The following IRF6 variants were observed in gnomAD, a reference collection of about 807,000 sequenced individuals.
The protein encoded by IRF6 is Van der Woude syndrome.
Under a neutral mutation model 51.4 loss-of-function variants are expected in IRF6, and 6 were observed. That is an observed-to-expected ratio of 0.12 (90% CI 0.06 to 0.23). IRF6 has a LOEUF of 0.23. Ranked by LOEUF, IRF6 falls within the 10% of genes least tolerant of loss-of-function variation. IRF6 has a pLI of 1.00. For missense variants in IRF6, 348 were observed against 585.2 expected (o/e 0.59, Z 4.18); for synonymous variants, 178 against 215.7 (o/e 0.83, Z 1.53).
chr1:209,799,754 A>C (rs2077927845), intron 3 of IRF6, among the ~76,000 whole-genome samples: 1 of 152,282 alleles, frequency 6.6e-6, no homozygotes, highest in African/African-American at 2.4e-5. Context: ...AAATGGGCCA[A>C]GATGGGCCCG....
chr1:209,792,430 A>C lies in IRF6; in HGVS notation c.509-3T>G. 6.2e-7 allele frequency: 1 copy of C among 1,613,882 alleles called. No homozygotes were observed. Among genetic ancestry groups the C allele is most frequent in the Non-Finnish European group, 8.5e-7 (1 of 1,179,994 alleles). ...ACTGGCTGGCGCCATGGGAGAACCT[A>C]AAACAAAAGCATATGGTGAGCAGAC... On this transcript the variant is annotated splice_polypyrimidine_tract_variant and splice_region_variant and intron_variant, in intron 5 of 8. Transcript: ENST00000367021.
In IRF6 at chr1:209,788,418, A is replaced by T. The variant is rs1201078642; in HGVS notation, c.*2T>A. ...AGAGAAGGAAGAAGATGGCATTCAC[A>T]ATTACTGGGGAGGCAGGGCAGGGGG... On this transcript the variant is annotated 3_prime_UTR_variant, in exon 9 of 9. Transcript: ENST00000367021. 2 of 1,585,792 alleles carry T rather than the reference A, an allele frequency of 1.3e-6. No homozygotes were observed. The highest frequency in any genetic ancestry group is 2.2e-5 in the South Asian group (2 of 90,532).
At chr1:209,795,531 T>C in intron 4 of IRF6, 113 bp from the exon 5 acceptor site, 1 of 1,489,788 alleles carries the variant, frequency 6.7e-7, no homozygotes, top group South Asian at 1.2e-5. Context: ...TCAGGTTCAG[T>C]ACACACCCTC....
Position 209,801,378 on chromosome 1 carries a change from G to C in IRF6, c.36C>G (p.Pro12=). ...CACTATCCACCTGGGCCACCAGCCA[G>C]GGCTTTAGCCGGACTCTGCGGGGGT... The part of the protein sequence containing the change: ...ALHPRRVRLK[P]WLVAQVDSGL... The change falls in exon 3 of 9, where the codon CCC becomes CCG. Residue 12 remains proline, a synonymous_variant. Transcript: ENST00000367021. 1 of 1,612,920 alleles carries C rather than the reference G, an allele frequency of 6.2e-7. No individual in the cohort carries two copies. The highest frequency in any genetic ancestry group is 8.5e-7 in the Non-Finnish European group (1 of 1,179,576).
At chr1:209,801,710 C>T (rs1295428829) in intron 2 of IRF6, among the ~76,000 whole-genome samples, 3 of 152,210 alleles carry the variant, frequency 2.0e-5, no homozygotes, top group Non-Finnish European at 4.4e-5. Flanking sequence ...AAGGTGATGT[C>T]ATCCTGCTGG....
In IRF6 at chr1:209,796,476, C is replaced by T. The variant is rs121434227; in HGVS notation, c.251G>A (p.Arg84His). 1 of 1,613,996 alleles carries T rather than the reference C, an allele frequency of 6.2e-7. No individual in the cohort carries two copies. The highest frequency in any genetic ancestry group is 8.5e-7 in the Non-Finnish European group (1 of 1,180,016). The part of the protein sequence containing the change: ...PDPAKWKAQL[R>H]CALNKSREFN... The stretch of plus-strand genomic sequence containing the variant: ...TTCTCTGCTCTTATTGAGAGCACAG[C>T]GCAGCTGGGCCTTCCATTTAGCTGG... The change falls in exon 4 of 9, where the codon CGC becomes CAC. Residue 84 changes from arginine (R) to histidine (H), a missense_variant. Around this residue, in one of 5 missense-constraint regions of IRF6, gnomAD observed 48 missense variants for 128.1 expected, o/e 0.37. Transcript: ENST00000367021. The surrounding 1 kb of genome is among the most constrained non-coding windows in gnomAD (Gnocchi z 4.5).
rs756369866 is a variant in IRF6, at chr1:209,790,655, T to C, written c.900A>G (p.Arg300=). The change falls in exon 7 of 9, where the codon AGA becomes AGG. Residue 300 remains arginine (R), a synonymous_variant. Coordinates refer to ENST00000367021, the MANE Select transcript of IRF6 (RefSeq NM_006147.4). This position sits in a 1 kb window ranked among gnomAD's most constrained non-coding sequence, Gnocchi z 4.8. ...GACCGCTGACCTCCAGGATCAGTCC[T>C]CTGTCCATGACGTCCAGCAGCTTGC... ...FTSKLLDVMD[R]GLILEVSGHA... is the part of the protein sequence containing the mutation. 1.9e-6 allele frequency: 3 copies of C among 1,614,276 alleles called. No homozygotes were observed. Among genetic ancestry groups the C allele is most frequent in the Admixed American group, 3.3e-5 (2 of 60,028 alleles).
intron 2 of IRF6, among the ~76,000 whole-genome samples, chr1:209,801,709 T>C (rs1394686044): frequency 6.6e-6 from 1 of 152,238 alleles, no homozygotes; most frequent in African/African-American, 2.4e-5. Context: ...AAAGGTGATG[T>C]CATCCTGCTG....
At chr1:209,802,517 A>G (rs1317507768) in intron 1 of IRF6, among the ~76,000 whole-genome samples, 1 of 152,186 alleles carries the variant, frequency 6.6e-6, no homozygotes, top group African/African-American at 2.4e-5. Context: ...TTTTGTTTTT[A>G]CTTAAGATGA....
Position 209,796,220 on chromosome 1 carries a change from G to A in IRF6, c.379+128C>T. On this transcript the variant is annotated intron_variant, in intron 4 of 8. Coordinates refer to ENST00000367021, the MANE Select transcript of IRF6 (RefSeq NM_006147.4). This position sits in a 1 kb window ranked among gnomAD's most constrained non-coding sequence, Gnocchi z 4.5. ...TTTTGTTTTCTGGGTCCTTCCCAGA[G>A]AAAGGCTTTCTTGCTTTATCCATCT... The A allele has an allele frequency of 1.3e-6, 1 of 781,850 alleles. No homozygotes were observed. The highest frequency in any genetic ancestry group is 2.1e-6 in the Non-Finnish European group (1 of 486,122). The allele number at this position is 781,850 out of a possible 1,614,324, so 48.4% of individuals were successfully genotyped here.
rs1038740901 is a variant in IRF6, at chr1:209,788,031, G to T, written c.*389C>A. On this transcript the variant is annotated 3_prime_UTR_variant, in exon 9 of 9. Coordinates refer to ENST00000367021, the MANE Select transcript of IRF6 (RefSeq NM_006147.4). ...CAAGTAGAAGAAGGTCATTGAGTCC[G>T]TTCTAAAGCTGGATGCAATTTCAGG... is the stretch of plus-strand genomic sequence containing the variant. 3.8e-6 allele frequency: 1 copy of T among 264,998 alleles called. No individual in the cohort carries two copies. The highest frequency in any genetic ancestry group is 7.3e-6 in the Non-Finnish European group (1 of 136,326). 16.4% of individuals were successfully genotyped at this position (264,998 alleles called of 1,614,324 possible). A position where few individuals can be genotyped will look rare whatever the true frequency, so the allele number is the denominator to read the frequency against.
chr1:209,798,231 A>ACTG (rs2077916272), intron 3 of IRF6, among the ~76,000 whole-genome samples: 1 of 152,224 alleles, frequency 6.6e-6, no homozygotes, highest in Non-Finnish European at 1.5e-5. Flanking sequence ...AGGGGGCCTA[A>ACTG]CTGCTGCTCC....
At chr1:209,801,199 AAAAAAT>A (rs1165278590) in intron 3 of IRF6, 35 bp downstream of exon 3, 4 of 1,544,742 alleles carry the variant, frequency 2.6e-6, no homozygotes, top group Non-Finnish European at 3.5e-6. Context: ...AAAAAAAAAA[AAAAAAT>A]CCAGAAAGGT....
intron 5 of IRF6, among the ~76,000 whole-genome samples, chr1:209,793,839 T>C (rs2077884335): frequency 6.6e-6 from 1 of 152,212 alleles, no homozygotes; most frequent in Non-Finnish European, 1.5e-5. Context: ...TCTGTTCCTG[T>C]GTTTTAGTTC....
rs2077836617 is a variant in IRF6, at chr1:209,786,728, C to T, written c.*1692G>A. On this transcript the variant is annotated 3_prime_UTR_variant, in exon 9 of 9. Transcript: ENST00000367021. ...TTCATAATAGCAAATTCCACTAGGT[C>T]TCTTAGAAACTCTAAAACCAAGGCT... 1 of 147,364 alleles carries T rather than the reference C, an allele frequency of 6.8e-6. No homozygotes were observed. The highest frequency in any genetic ancestry group is 2.5e-5 in the African/African-American group (1 of 40,004). The allele number at this position is 147,364 out of a possible 1,614,324, so 9.1% of individuals were successfully genotyped here.
chr1:209,805,632 G>A (rs1296060153), intron 1 of IRF6, among the ~76,000 whole-genome samples: 2 of 152,198 alleles, frequency 1.3e-5, no homozygotes, highest in Admixed American at 6.5e-5. Flanking sequence ...ACTGAAGGGG[G>A]CGCGGTGCTT....
intron 8 of IRF6, 138 bp downstream of exon 8, chr1:209,789,529 A>G (rs1441546425): frequency 1.3e-6 from 1 of 747,746 alleles, no homozygotes; most frequent in Non-Finnish European, 2.5e-6. Context: ...TACTGCACAA[A>G]CCTGAGTCTG....
rs1413708839 is a variant in IRF6 at position 209,787,676 on chromosome 1, A to G, written c.*744T>C. 1 of 151,654 alleles carries G rather than the reference A, an allele frequency of 6.6e-6. No homozygotes were observed. Among genetic ancestry groups the G allele is most frequent in the Non-Finnish European group, 1.5e-5 (1 of 68,036 alleles). The allele number at this position is 151,654 out of a possible 1,614,324, so 9.4% of individuals were successfully genotyped here. A position where few individuals can be genotyped will look rare whatever the true frequency, so the allele number is the denominator to read the frequency against. Reference sequence around the variant, plus strand: ...TAATAAGGTAAATGCCTGACAACCTATTCTTCCACAGAATCCCTAGGCTTT... The same window carrying G: ...TAATAAGGTAAATGCCTGACAACCTGTTCTTCCACAGAATCCCTAGGCTTT... On this transcript the variant is annotated 3_prime_UTR_variant, in exon 9 of 9. Coordinates refer to ENST00000367021, the MANE Select transcript of IRF6 (RefSeq NM_006147.4).
rs781051292 is a variant in IRF6, at chr1:209,792,310, G to A, written c.626C>T (p.Pro209Leu). The A allele has an allele frequency of 1.9e-6, 3 of 1,614,200 alleles. No homozygotes were observed. The highest frequency in any genetic ancestry group is 1.7e-6 in the Non-Finnish European group (2 of 1,180,014). Residue 209 changes from proline to leucine, a missense_variant, in exon 6 of 9, where the codon CCC becomes CTC. Coordinates refer to ENST00000367021, the MANE Select transcript of IRF6 (RefSeq NM_006147.4). ...CCACAGTTCTGGAGAGCTATAGAAG[G>A]GCTGTATAGGTGCCTGGGGTACTTC... ...EMEVPQAPIQ[P>L]FYSSPELWIS...
Sources: gnomAD v4.1 joint callset for allele counts (sites outside exome capture counted in the v4.1 genomes callset) on GRCh38, gnomAD v4.1.1 for gene constraint, gnomAD v4.1.1 regional missense constraint, Gnocchi (gnomAD v3.1) non-coding constraint, MANE v1.5 for transcripts, NCBI Gene and HGNC (gene_info 2026-07-23, HGNC 2026-07-21) for gene names.